The following NFX1 variants were observed in gnomAD, a reference collection of about 807,000 sequenced individuals.
NFX1 encodes transcriptional repressor NF-X1.
NFX1 carries 69 observed loss-of-function variants against 137.2 expected under a neutral mutation model. The ratio of observed to expected loss-of-function variants is 0.50; its 90% CI spans 0.41 to 0.61. NFX1 has a LOEUF of 0.61. Among genes scored for constraint, NFX1 ranks in the 20% least tolerant of loss-of-function variants. The pLI, the probability that NFX1 is intolerant of heterozygous loss-of-function variation, is 0.00. For synonymous variants in NFX1, 495 were observed against 474.1 expected (o/e 1.04, Z -0.57); for missense variants, 1,167 against 1,391.0 (o/e 0.84, Z 2.56).
At chr9:33,310,942 G>A (rs984008707) in intron 5 of NFX1, among the ~76,000 whole-genome samples, 164 bp from the exon 6 acceptor site, 1 of 152,218 alleles carries the variant, frequency 6.6e-6, no homozygotes, top group East Asian at 1.9e-4. Context: ...TAAAAGTACA[G>A]TTGATATCTT....
intron 6 of NFX1, among the ~76,000 whole-genome samples, chr9:33,312,185 T>C (rs2118322659): frequency 6.6e-6 from 1 of 152,338 alleles, no homozygotes; most frequent in African/African-American, 2.4e-5. Flanking sequence ...TTTACTGAAC[T>C]TATGTGGACA....
At position 33,311,128 on chromosome 9, in the gene NFX1, C is replaced by T. The variant is rs777106920; in HGVS notation, c.1399C>T (p.Pro467Ser). The change falls in exon 6 of 24, where the codon CCA (proline) becomes TCA (serine). Residue 467 changes from proline to serine, a missense_variant. Pro to Ser is a moderately conservative substitution (Grantham distance 74). Around this residue, in one of 3 missense-constraint regions of NFX1, gnomAD observed 488 missense variants for 691.5 expected, o/e 0.71. Transcript: ENST00000379540. The stretch of plus-strand genomic sequence containing the variant: ...CAGTCTCTGCCATCCAGGACCCTGC[C>T]CACCCTGCCCTGCCTTTATGACAAA... ...CNLLCHPGPC[P>S]PCPAFMTKTC... is the part of the protein sequence containing the mutation. 4.3e-6 allele frequency: 7 copies of T among 1,614,112 alleles called. No individual in the cohort carries two copies. The highest frequency in any genetic ancestry group is 5.9e-6 in the Non-Finnish European group (7 of 1,180,002).
intron 13 of NFX1, among the ~76,000 whole-genome samples, chr9:33,343,260 T>C (rs1238329565): frequency 6.6e-6 from 1 of 152,214 alleles, no homozygotes; most frequent in Non-Finnish European, 1.5e-5. Context: ...TTTATCTTTA[T>C]CTACCATATT....
At chr9:33,368,178 T>G (rs1042354150) in intron 23 of NFX1, among the ~76,000 whole-genome samples, 1 of 151,868 alleles carries the variant, frequency 6.6e-6, no homozygotes, top group Non-Finnish European at 1.5e-5. Flanking sequence ...GAGGTTGCAG[T>G]GAGCCGAGAT....
chr9:33,339,008 A>G (rs1823118469), intron 12 of NFX1, among the ~76,000 whole-genome samples: 1 of 152,194 alleles, frequency 6.6e-6, no homozygotes, highest in Non-Finnish European at 1.5e-5. Flanking sequence ...GACATTTTTT[A>G]AAAAGATTTT....
intron 16 of NFX1, 107 bp downstream of exon 16, chr9:33,351,897 A>G (rs1823651564): frequency 2.0e-6 from 2 of 984,456 alleles, no homozygotes; most frequent in Non-Finnish European, 2.9e-6. Flanking sequence ...ATTAAGGGTC[A>G]TTGGTTGCAA....
chr9:33,307,387 G>T, intron 5 of NFX1, 88 bp downstream of exon 5: 1 of 1,129,150 alleles, frequency 8.9e-7, no homozygotes, highest in Non-Finnish European at 1.3e-6. Context: ...AGCATGTAAT[G>T]GTTTGGGATG....
chr9:33,305,281 G>A (rs1821712700), intron 4 of NFX1, among the ~76,000 whole-genome samples: 1 of 152,202 alleles, frequency 6.6e-6, no homozygotes, highest in South Asian at 2.1e-4. Flanking sequence ...CTTCTTGGAG[G>A]AGGTAGAATT....
In NFX1 at chr9:33,313,803, G is replaced by A. The variant is rs1291727623; in HGVS notation, c.1588+10G>A. 3.7e-6 allele frequency: 6 copies of A among 1,609,786 alleles called. No homozygotes were observed. The highest frequency in any genetic ancestry group is 5.1e-6 in the Non-Finnish European group (6 of 1,176,830). ...ATCATTTTGAACCAGGGTAAGTGGT[G>A]GGCACACCAGCTAGCAATGCTTGTG... On this transcript the variant is annotated intron_variant, in intron 7 of 23. Transcript: ENST00000379540.
intron 15 of NFX1, among the ~76,000 whole-genome samples, chr9:33,350,068 C>G (rs1368759567): frequency 6.6e-6 from 1 of 152,090 alleles, no homozygotes; most frequent in Non-Finnish European, 1.5e-5. Flanking sequence ...CTTTGATAGG[C>G]TGAGGCAAGT....
chr9:33,307,890 G>A (rs528727631), intron 5 of NFX1, among the ~76,000 whole-genome samples: 3 of 144,828 alleles, frequency 2.1e-5, no homozygotes, highest in East Asian at 2.1e-4. Context: ...TGCAACCGCC[G>A]CCTCTTGTGC....
chr9:33,318,173 C>G (rs1009215809), intron 7 of NFX1, among the ~76,000 whole-genome samples: 1 of 151,940 alleles, frequency 6.6e-6, no homozygotes, highest in Non-Finnish European at 1.5e-5. Flanking sequence ...ATCTTATACT[C>G]TCATGCCAAT....
chr9:33,357,659 A>C (rs1035310912), intron 19 of NFX1, among the ~76,000 whole-genome samples: 25 of 151,514 alleles, frequency 1.7e-4, no homozygotes, highest in African/African-American at 6.1e-4. Flanking sequence ...AGCCTCCAAA[A>C]TAGATAGGAC....
chr9:33,327,777 C>T (rs2118461183), intron 9 of NFX1, among the ~76,000 whole-genome samples: 1 of 152,254 alleles, frequency 6.6e-6, no homozygotes, highest in African/African-American at 2.4e-5. Context: ...CCATAGGGTC[C>T]TGGAAACAGG....
At chr9:33,299,297 G>T (rs1821467876) in intron 2 of NFX1, among the ~76,000 whole-genome samples, 1 of 152,166 alleles carries the variant, frequency 6.6e-6, no homozygotes. Flanking sequence ...GTTGCATTTA[G>T]TCATGTCTCC....
chr9:33,351,540 G>T lies in NFX1; in HGVS notation c.2425-20G>T. On this transcript the variant is annotated intron_variant, in intron 15 of 23. Transcript: ENST00000379540. ...AATCCCACATGGAGATGAGAATCTG[G>T]CTACTTCTGTCTCTCCTAGTTTCGG... The T allele has an allele frequency of 6.2e-7, 1 of 1,608,978 alleles. No individual in the cohort carries two copies. The highest frequency in any genetic ancestry group is 8.5e-7 in the Non-Finnish European group (1 of 1,175,400).
chr9:33,296,903 G>A (rs1227207477), intron 2 of NFX1, among the ~76,000 whole-genome samples: 2 of 152,172 alleles, frequency 1.3e-5, no homozygotes, highest in African/African-American at 4.8e-5. Context: ...CCACTAGTCT[G>A]TAAGCTCCTT....
chr9:33,311,836 C>G (rs1301164963), intron 6 of NFX1, among the ~76,000 whole-genome samples: 2 of 152,324 alleles, frequency 1.3e-5, no homozygotes, highest in East Asian at 3.9e-4. Flanking sequence ...CAGGCATGAG[C>G]TACCGCGCTC....
chr9:33,346,601 A>G (rs536508279), intron 14 of NFX1, among the ~76,000 whole-genome samples: 2 of 152,308 alleles, frequency 1.3e-5, no homozygotes, highest in East Asian at 3.9e-4. Flanking sequence ...GTAGGAGGTG[A>G]GTTTTGATGA....
Sources: allele counts gnomAD v4.1 joint callset (sites outside exome capture counted in the v4.1 genomes callset), GRCh38; gene constraint gnomAD v4.1.1; regional missense constraint gnomAD v4.1.1; transcripts MANE v1.5; gene names NCBI Gene and HGNC (gene_info 2026-07-23, HGNC 2026-07-21).